Variants in SLC36A1 observed in about 807,000 individuals in gnomAD.
SLC36A1 encodes the protein solute carrier family 36 member 1.
A neutral mutation model predicts 47.5 loss-of-function variants in SLC36A1; 30 were observed. The observed-to-expected ratio is 0.63, with a 90% CI of 0.47 to 0.86. The LOEUF (loss-of-function observed/expected upper bound fraction) is 0.86. Ranked by LOEUF, SLC36A1 falls within the 40% of genes least tolerant of loss-of-function variation. The probability of loss-of-function intolerance (pLI) is 0.00; values close to 1 mark genes in which losing one functional copy is unlikely to be tolerated. For synonymous variants in SLC36A1, 255 were observed against 249.7 expected, an observed-to-expected ratio of 1.02 and a Z score of -0.20; for missense variants, 517 against 606.0, an observed-to-expected ratio of 0.85 and a Z score of 1.54.
upstream of SLC36A1, among the ~76,000 whole-genome samples, chr5:151,444,251 T>C (rs916503697): frequency 1.3e-5 from 2 of 152,204 alleles, no homozygotes; most frequent in African/African-American, 4.8e-5. Flanking sequence ...GTATATTGCT[T>C]TGGATAGTAT....
At chr5:151,458,629 C>T (rs1755045073) in intron 1 of SLC36A1, among the ~76,000 whole-genome samples, 159 bp from the exon 2 acceptor site, 1 of 152,084 alleles carries the variant, frequency 6.6e-6, no homozygotes, top group Non-Finnish European at 1.5e-5. Flanking sequence ...TTGCACTTTT[C>T]CATTTCCCTT....
the SLC36A1 span, among the ~76,000 whole-genome samples, chr5:151,385,009 A>AGAGAGTGTGTGTGTGTGTGTGTGT: frequency 5.4e-5 from 7 of 128,462 alleles, no homozygotes; most frequent in Non-Finnish European, 7.9e-5. Flanking sequence ...AGAGAGAGAG[A>AGAGAGTGTGTGTGTGTGTGTGTGT]GTGTGTGTGT....
the SLC36A1 span, among the ~76,000 whole-genome samples, chr5:151,530,573 A>C: frequency 6.6e-6 from 1 of 152,252 alleles, no homozygotes; most frequent in Non-Finnish European, 1.5e-5. Flanking sequence ...ATATCAACCA[A>C]ATTCAGTATG....
At chr5:151,356,339 C>CAAAAAAAAAAAAAAAAAAAAAAA in the SLC36A1 span, among the ~76,000 whole-genome samples, 133 of 51,270 alleles carry the variant, frequency 2.6e-3, 6 homozygotes, top group Non-Finnish European at 3.7e-3. Context: ...CTCTGTCTCA[C>CAAAAAAAAAAAAAAAAAAAAAAA]AAAAAAAAAA....
At chr5:151,426,230 C>T in the SLC36A1 span, among the ~76,000 whole-genome samples, 1 of 152,198 alleles carries the variant, frequency 6.6e-6, no homozygotes, top group Admixed American at 6.5e-5. Context: ...AGAAATAAGA[C>T]ACAGAGACAA....
the SLC36A1 span, chr5:151,542,758 A>C: frequency 6.2e-7 from 1 of 1,614,186 alleles, no homozygotes; most frequent in Non-Finnish European, 8.5e-7. Flanking sequence ...ATTGTCATTG[A>C]CGTCTCCCAC....
At chr5:151,505,385 C>G in the SLC36A1 span, 1 of 710,856 alleles carries the variant, frequency 1.4e-6, no homozygotes. Flanking sequence ...TCCTCAGCTT[C>G]CCTCCACCCT....
the SLC36A1 span, among the ~76,000 whole-genome samples, chr5:151,358,117 G>C: frequency 6.6e-6 from 1 of 152,196 alleles, no homozygotes; most frequent in Non-Finnish European, 1.5e-5. Context: ...CTAGGCAGCT[G>C]TGATTGGCTG....
At chr5:151,385,461 A>G in the SLC36A1 span, among the ~76,000 whole-genome samples, 2 of 152,344 alleles carry the variant, frequency 1.3e-5, no homozygotes, top group East Asian at 3.9e-4. Context: ...ATCGCCATCC[A>G]AATTGGAAAT....
the SLC36A1 span, among the ~76,000 whole-genome samples, chr5:151,361,688 A>G: frequency 9.2e-5 from 14 of 152,140 alleles, no homozygotes; most frequent in Admixed American, 7.2e-4. Context: ...TATAGCTTCA[A>G]ATGTTTTCTT....
the SLC36A1 span, among the ~76,000 whole-genome samples, chr5:151,345,565 G>A: frequency 6.6e-6 from 1 of 152,172 alleles, no homozygotes; most frequent in Non-Finnish European, 1.5e-5. Flanking sequence ...GAAAGGGGGT[G>A]GAGAGTCCCT....
chr5:151,423,469 G>T, the SLC36A1 span, among the ~76,000 whole-genome samples: 10 of 152,276 alleles, frequency 6.6e-5, no homozygotes, highest in Middle Eastern at 6.8e-3. Flanking sequence ...GAAGAAATGA[G>T]CTATCAAGTC....
chr5:151,372,096 T>C, the SLC36A1 span, among the ~76,000 whole-genome samples: 2 of 152,230 alleles, frequency 1.3e-5, no homozygotes, highest in Admixed American at 6.5e-5. Flanking sequence ...TAAAATCTTA[T>C]GAAATATTTT....
At chr5:151,516,277 A>C in the SLC36A1 span, among the ~76,000 whole-genome samples, 1 of 152,212 alleles carries the variant, frequency 6.6e-6, no homozygotes, top group Non-Finnish European at 1.5e-5. Context: ...TGGGAGGCCA[A>C]GGTGGGTGGA....
At chr5:151,412,356 C>T in the SLC36A1 span, among the ~76,000 whole-genome samples, 1 of 144,602 alleles carries the variant, frequency 6.9e-6, no homozygotes, top group Non-Finnish European at 1.5e-5. Context: ...GTGATAATTC[C>T]ATATATATGT....
the SLC36A1 span, among the ~76,000 whole-genome samples, chr5:151,500,363 T>TTTGTTGTTGTTG: frequency 6.6e-6 from 1 of 151,656 alleles, no homozygotes; most frequent in Non-Finnish European, 1.5e-5. Flanking sequence ...TCATTAGGGT[T>TTTGTTGTTGTTG]TTGTTGTTGT....
At chr5:151,532,124 G>A in the SLC36A1 span, among the ~76,000 whole-genome samples, 2 of 152,274 alleles carry the variant, frequency 1.3e-5, no homozygotes, top group East Asian at 1.9e-4. Flanking sequence ...TCTCTCCAGC[G>A]GGGTGTCTTG....
the SLC36A1 span, chr5:151,532,025 C>T: frequency 2.1e-5 from 33 of 1,587,248 alleles, no homozygotes; most frequent in Non-Finnish European, 2.7e-5. Context: ...TCTGGACCTG[C>T]CTGCAGCAAA....
chr5:151,420,435 T>G, the SLC36A1 span, among the ~76,000 whole-genome samples: 1 of 152,086 alleles, frequency 6.6e-6, no homozygotes, highest in African/African-American at 2.4e-5. Flanking sequence ...CCCATAACAG[T>G]GATTTTCCTA....
Sources: allele counts gnomAD v4.1 joint callset (sites outside exome capture counted in the v4.1 genomes callset), GRCh38; gene constraint gnomAD v4.1.1; transcripts MANE v1.5; gene names NCBI Gene and HGNC (gene_info 2026-07-23, HGNC 2026-07-21).